SF3A2: variants seen among roughly 807,000 people sequenced by gnomAD.
SF3A2 encodes splicing factor 3a subunit 2.
In SF3A2, 5 loss-of-function variants were observed where a neutral mutation model predicts 31.1. The ratio of observed to expected loss-of-function variants is 0.16; its 90% CI spans 0.08 to 0.34. SF3A2 has a LOEUF of 0.34. SF3A2 is among the 10% of genes least tolerant of loss of function. The pLI, the probability that SF3A2 is intolerant of heterozygous loss-of-function variation, is 1.00. For synonymous variants in SF3A2, 365 were observed against 263.7 expected, an observed-to-expected ratio of 1.38 and a Z score of -3.72; for missense variants, 577 against 643.9, an observed-to-expected ratio of 0.90 and a Z score of 1.13.
rs2024921470 is a variant in SF3A2, at chr19:2,245,188, A to T, written c.246-258A>T. The T allele has an allele frequency of 5.7e-5, 9 of 156,570 alleles. No individual in the cohort carries two copies. In the South Asian group the frequency reaches 6.6e-4, roughly 12 times the overall value. The allele number at this position is 156,570 out of a possible 1,614,324, so 9.7% of individuals were successfully genotyped here. The stretch of plus-strand genomic sequence containing the variant: ...GACAGAGTGAGACTCTTGTCTTATT[A>T]AAAAAAAAAAAAAAGAGCAGAGGCA... On this transcript the variant is annotated intron_variant, in intron 4 of 8. Coordinates refer to ENST00000221494, the MANE Select transcript of SF3A2 (RefSeq NM_007165.5). The surrounding 1 kb of genome is among the most constrained non-coding windows in gnomAD (Gnocchi z 4.2).
chr19:2,242,012 C>G (rs1348077581), intron 1 of SF3A2, among the ~76,000 whole-genome samples: 1 of 152,178 alleles, frequency 6.6e-6, no homozygotes, highest in African/African-American at 2.4e-5. Flanking sequence ...GGCTCCTGGG[C>G]CCCCATAGAG....
At chr19:2,237,410 A>AG (rs2024837534) in intron 1 of SF3A2, 1 of 5,722 alleles carries the variant, frequency 1.7e-4, no homozygotes, top group Admixed American at 1.3e-3. Flanking sequence ...CCATCACTGC[A>AG]AAAAAAAAAA....
chr19:2,247,394 G>A (rs576026553), intron 7 of SF3A2, among the ~76,000 whole-genome samples, 200 bp from the exon 8 acceptor site: 3 of 152,282 alleles, frequency 2.0e-5, no homozygotes, highest in East Asian at 3.9e-4. Context: ...CCAGGGAGGG[G>A]GCCAACAGCG....
chr19:2,240,607 A>T (rs2024881155), intron 1 of SF3A2, among the ~76,000 whole-genome samples: 1 of 152,222 alleles, frequency 6.6e-6, no homozygotes, highest in Non-Finnish European at 1.5e-5. Flanking sequence ...TGACAGCTGG[A>T]GCTTGTGTCC....
At chr19:2,244,440 G>GA in intron 2 of SF3A2, 104 bp from the exon 3 acceptor site, 1 of 858,498 alleles carries the variant, frequency 1.2e-6, no homozygotes, top group Non-Finnish European at 1.9e-6. Flanking sequence ...CAGAAGGGGG[G>GA]TTCTGCCTCC....
At chr19:2,244,866 G>A in intron 4 of SF3A2, 87 bp downstream of exon 4, 1 of 1,315,734 alleles carries the variant, frequency 7.6e-7, no homozygotes, top group Non-Finnish European at 1.1e-6. Flanking sequence ...CTGCTCCACA[G>A]CCGGGGAGCC....
chr19:2,248,112 G>A lies in SF3A2; in HGVS notation c.961G>A (p.Gly321Arg), dbSNP rs965790988. 14 of 1,237,110 alleles carry A rather than the reference G, an allele frequency of 1.1e-5. No homozygotes were observed. Among genetic ancestry groups the A allele is most frequent in the African/African-American group, 3.1e-5 (2 of 65,262 alleles). 76.6% of individuals were successfully genotyped at this position (1,237,110 alleles called of 1,614,324 possible). ...PAPGVHPPAP[G>R]VHPPTSGVHP... ...TCCTGGCGTCCATCCCCCAGCCCCT[G>A]GGGTCCACCCACCAACCTCTGGGGT... Residue 321 changes from glycine (G) to arginine (R), a missense_variant, in exon 9 of 9, where the codon GGG (glycine) becomes AGG (arginine). By Grantham distance (125) the Gly-to-Arg change is moderately radical (BLOSUM62 -2). Transcript: ENST00000221494.
chr19:2,245,954 C>A lies in SF3A2; in HGVS notation c.355+399C>A, dbSNP rs112589248. On this transcript the variant is annotated intron_variant, in intron 5 of 8. Coordinates refer to ENST00000221494, the MANE Select transcript of SF3A2 (RefSeq NM_007165.5). This position sits in a 1 kb window ranked among gnomAD's most constrained non-coding sequence, Gnocchi z 4.2. ...CTGTTAGAGGCAGCTCCTCCCGGAC[C>A]CTCAGCAGTGGGAATGGCTAGAGGT... The A allele has an allele frequency of 0.01, 2,375 of 228,076 alleles. 49 individuals are homozygous for A. Among genetic ancestry groups the A allele is most frequent in the African/African-American group, 0.05 (2,194 of 43,826 alleles). The allele number at this position is 228,076 out of a possible 1,614,324, so 14.1% of individuals were successfully genotyped here.
chr19:2,248,039 C>T lies in SF3A2; in HGVS notation c.888C>T (p.Pro296=). The T allele has an allele frequency of 4.1e-6, 4 of 965,856 alleles. No homozygotes were observed. Among genetic ancestry groups the T allele is most frequent in the Non-Finnish European group, 6.4e-6 (4 of 627,944 alleles). 59.8% of individuals were successfully genotyped at this position (965,856 alleles called of 1,614,324 possible). Residue 296 remains proline, a synonymous_variant, in exon 9 of 9, where the codon CCC becomes CCT. Transcript: ENST00000221494. ...GVHPPAPVVH[P]PASGVHPPAP... ...ACCCCCCGGCCCCAGTGGTGCATCC[C>T]CCTGCATCTGGGGTCCATCCCCCAG...
In SF3A2 at chr19:2,248,057, T is replaced by C. The variant is rs1352844314; in HGVS notation, c.906T>C (p.His302=). The change falls in exon 9 of 9, where the codon CAT becomes CAC. Residue 302 remains histidine, a synonymous_variant. Coordinates refer to ENST00000221494, the MANE Select transcript of SF3A2 (RefSeq NM_007165.5). ...PVVHPPASGV[H]PPAPGVHPPA... is the part of the protein sequence containing the mutation. ...TGCATCCCCCTGCATCTGGGGTCCA[T>C]CCCCCAGCTCCTGGCGTCCACCCCC... 3.2e-5 allele frequency: 27 copies of C among 852,330 alleles called. No individual in the cohort carries two copies. Among genetic ancestry groups the C allele is most frequent in the Non-Finnish European group, 4.0e-5 (22 of 550,888 alleles). 52.8% of individuals were successfully genotyped at this position (852,330 alleles called of 1,614,324 possible).
At position 2,247,888 on chromosome 19, in the gene SF3A2, C is replaced by T. The variant is rs778547916; in HGVS notation, c.737C>T (p.Pro246Leu). The change falls in exon 9 of 9, where the codon CCG becomes CTG. Residue 246 changes from proline (P) to leucine (L), a missense_variant. Pro to Leu is a moderately conservative substitution (Grantham distance 98). Coordinates refer to ENST00000221494, the MANE Select transcript of SF3A2 (RefSeq NM_007165.5). ...ATGAACGGTCTGCCCCCTCGGCCAC[C>T]GCTGCCTGAGTCTTTGCCACCGCCC... ...PLMNGLPPRP[P>L]LPESLPPPPP... 7 of 1,578,046 alleles carry T rather than the reference C, an allele frequency of 4.4e-6. No individual in the cohort carries two copies. Among genetic ancestry groups the T allele is most frequent in the East Asian group, 2.2e-5 (1 of 44,736 alleles).
rs1568390761 is a variant in SF3A2 at position 2,248,033 on chromosome 19, GCATCCCCCTGCATCTGGGGTC to G, written c.891_911del (p.Ser299_Ala305del). 18 of 945,230 alleles carry G rather than the reference GCATCCCCCTGCATCTGGGGTC, an allele frequency of 1.9e-5. No homozygotes were observed. The highest frequency in any genetic ancestry group is 1.1e-4 in the Admixed American group (5 of 47,550). The allele number at this position is 945,230 out of a possible 1,614,324, so 58.6% of individuals were successfully genotyped here. A position where few individuals can be genotyped will look rare whatever the true frequency, so the allele number is the denominator to read the frequency against. On this transcript the variant is annotated inframe_deletion, in exon 9 of 9. Coordinates refer to ENST00000221494, the MANE Select transcript of SF3A2 (RefSeq NM_007165.5). ...GGGTCCACCCCCCGGCCCCAGTGGT[GCATCCCCCTGCATCTGGGGTC>G]CATCCCCCAGCTCCTGGCGTCCACC...
At chr19:2,247,134 C>G (rs866617588) in intron 7 of SF3A2, 112 bp downstream of exon 7, 15 of 1,423,458 alleles carry the variant, frequency 1.1e-5, no homozygotes, top group Middle Eastern at 2.4e-4. Context: ...CTGGGCCCCC[C>G]CCAAGTCGGA....
At position 2,248,251 on chromosome 19, in the gene SF3A2, C is replaced by G. The variant is rs1343984827; in HGVS notation, c.1100C>G (p.Pro367Arg). 1 of 1,418,730 alleles carries G rather than the reference C, an allele frequency of 7.0e-7. No individual in the cohort carries two copies. Among genetic ancestry groups the G allele is most frequent in the Non-Finnish European group, 9.2e-7 (1 of 1,083,574 alleles). 87.9% of individuals were successfully genotyped at this position (1,418,730 alleles called of 1,614,324 possible). ...VHPPAPGVHP[P>R]PSAGVHPQAP... Reference sequence around the variant, plus strand: ...CCACCAGCCCCAGGGGTCCATCCTCCCCCATCAGCGGGGGTTCACCCCCAG... The same window carrying G: ...CCACCAGCCCCAGGGGTCCATCCTCGCCCATCAGCGGGGGTTCACCCCCAG... The change falls in exon 9 of 9, where the codon CCC becomes CGC. Residue 367 changes from proline (P) to arginine (R), a missense_variant. Pro to Arg is a moderately radical substitution (Grantham distance 103, BLOSUM62 -2). Around this residue, in one of 6 missense-constraint regions of SF3A2, gnomAD observed 462 missense variants for 339.1 expected, o/e 1.36. Transcript: ENST00000221494.
intron 7 of SF3A2, chr19:2,247,347 C>T (rs953853035): frequency 1.2e-5 from 7 of 577,878 alleles, no homozygotes; most frequent in South Asian, 4.5e-5. Context: ...CTGGACAGGG[C>T]GGCCATCAGG....
Position 2,248,483 on chromosome 19 carries a change from G to T in SF3A2, c.1332G>T (p.Met444Ile). Residue 444 changes from methionine (M) to isoleucine (I), a missense_variant, in exon 9 of 9, where the codon ATG becomes ATT. Transcript: ENST00000221494. ...ACCCCCCAACTCCCATGCCCCCAAT[G>T]CTGAGGCCCCCACTTCCCTCCGAAG... ...GVHPPTPMPP[M>I]LRPPLPSEGP... 9.0e-7 allele frequency: 1 copy of T among 1,112,326 alleles called. No homozygotes were observed. The highest frequency in any genetic ancestry group is 1.1e-6 in the Non-Finnish European group (1 of 882,196). The allele number at this position is 1,112,326 out of a possible 1,614,324, so 68.9% of individuals were successfully genotyped here.
At position 2,244,753 on chromosome 19, in the gene SF3A2, G is replaced by A. The variant is rs557045119; in HGVS notation, c.219G>A (p.Thr73=). The A allele has an allele frequency of 6.8e-6, 11 of 1,613,996 alleles. No individual in the cohort carries two copies. In the East Asian group the frequency reaches 1.6e-4, roughly 23 times the overall value. ...HNNEGSYLAH[T]QGKKHQTNLA... The stretch of plus-strand genomic sequence containing the variant: ...TCCAGGGGAGCTACCTGGCACATAC[G>A]CAGGGGAAGAAGCACCAGACCAACC... Residue 73 remains threonine (T), a synonymous_variant, in exon 4 of 9, where the codon ACG becomes ACA. Coordinates refer to ENST00000221494, the MANE Select transcript of SF3A2 (RefSeq NM_007165.5).
At chr19:2,242,860 C>T (rs1412865396) in intron 1 of SF3A2, among the ~76,000 whole-genome samples, 3 of 152,116 alleles carry the variant, frequency 2.0e-5, no homozygotes, top group African/African-American at 4.8e-5. Flanking sequence ...AGTGAGGATG[C>T]GAAGATCAGT....
chr19:2,247,249 C>T (rs1012431881), intron 7 of SF3A2: 110 of 538,306 alleles, frequency 2.0e-4, no homozygotes, highest in Non-Finnish European at 4.9e-5. Context: ...GCCGGCAGGG[C>T]TGAGCGCCAG....
Sources: gnomAD v4.1 joint callset for allele counts (sites outside exome capture counted in the v4.1 genomes callset) on GRCh38, gnomAD v4.1.1 for gene constraint, gnomAD v4.1.1 regional missense constraint, Gnocchi (gnomAD v3.1) non-coding constraint, MANE v1.5 for transcripts, NCBI Gene and HGNC (gene_info 2026-07-23, HGNC 2026-07-21) for gene names.